Variants in DNM3 observed in about 807,000 individuals in gnomAD.
DNM3 encodes dynamin 3.
Under a neutral mutation model 101.6 loss-of-function variants are expected in DNM3, and 47 were observed. The ratio of observed to expected loss-of-function variants is 0.46; its 90% confidence interval spans 0.37 to 0.59. The LOEUF (loss-of-function observed/expected upper bound fraction) is 0.59. Ranked by LOEUF, DNM3 falls within the 20% of genes least tolerant of loss-of-function variation. The pLI, the probability that DNM3 is intolerant of heterozygous loss-of-function variation, is 0.00. For missense variants in DNM3, 849 were observed against 1,085.7 expected (o/e 0.78, Z 3.06); for synonymous variants, 385 against 387.9 (o/e 0.99, Z 0.09).
chr1:172,083,019 C>T (rs985373359), intron 12 of DNM3, among the ~76,000 whole-genome samples: 5 of 152,240 alleles, frequency 3.3e-5, no homozygotes, highest in Non-Finnish European at 4.4e-5. Context: ...GTGCCCTAGT[C>T]TAGTTGTCTT....
chr1:172,243,726 T>G (rs995496812), intron 14 of DNM3, among the ~76,000 whole-genome samples: 1 of 152,200 alleles, frequency 6.6e-6, no homozygotes, highest in Non-Finnish European at 1.5e-5. Context: ...GTGCTGTTGA[T>G]GAGCAACCTG....
chr1:172,110,388 A>T (rs375764839), intron 13 of DNM3, among the ~76,000 whole-genome samples: 3 of 152,168 alleles, frequency 2.0e-5, no homozygotes. Flanking sequence ...CATCTCCCCA[A>T]TTTGACTATA....
At chr1:172,027,206 A>G (rs2048267641) in intron 4 of DNM3, among the ~76,000 whole-genome samples, 1 of 152,174 alleles carries the variant, frequency 6.6e-6, no homozygotes, top group African/African-American at 2.4e-5. Flanking sequence ...CAAAATAGCC[A>G]GCTAGCATCA....
intron 15 of DNM3, among the ~76,000 whole-genome samples, chr1:172,260,322 A>G (rs1037393649): frequency 2.6e-5 from 4 of 151,898 alleles, no homozygotes; most frequent in Non-Finnish European, 5.9e-5. Context: ...TTCAAATTGT[A>G]TTTATTTGGG....
intron 1 of DNM3, among the ~76,000 whole-genome samples, chr1:171,866,247 C>T (rs1441213020): frequency 6.6e-6 from 1 of 150,566 alleles, no homozygotes; most frequent in Non-Finnish European, 1.5e-5. Context: ...CTACTCTAAT[C>T]GCTCCCTTTC....
At chr1:172,152,716 A>G (rs1247454234) in intron 14 of DNM3, among the ~76,000 whole-genome samples, 1 of 152,140 alleles carries the variant, frequency 6.6e-6, no homozygotes, top group Non-Finnish European at 1.5e-5. Flanking sequence ...TTCCCCACTT[A>G]AAGCTACCAT....
downstream of DNM3, among the ~76,000 whole-genome samples, chr1:172,416,967 T>C (rs368718444): frequency 2.6e-5 from 4 of 152,276 alleles, no homozygotes. Context: ...GGAAAATTGA[T>C]TTTGGACTTT....
Position 172,411,819 on chromosome 1 carries a change from T to G in DNM3, c.*3978T>G. The G allele has an allele frequency of 1.0e-6, 1 of 985,730 alleles. No individual in the cohort carries two copies. The highest frequency in any genetic ancestry group is 1.2e-6 in the Non-Finnish European group (1 of 829,830). 61.1% of individuals were successfully genotyped at this position (985,730 alleles called of 1,614,324 possible). On this transcript the variant is annotated 3_prime_UTR_variant, in exon 21 of 21. Transcript: ENST00000627582. The stretch of plus-strand genomic sequence containing the variant: ...TTTTGTATCATTTCAATTAGAAGAC[T>G]ACTAGCTGTGAGCTCAGAGTTTAAT...
At position 172,253,694 on chromosome 1, in the gene DNM3, A is replaced by T; in HGVS notation, c.1769+12A>T. The T allele has an allele frequency of 6.6e-7, 1 of 1,520,412 alleles. No homozygotes were observed. The highest frequency in any genetic ancestry group is 1.4e-5 in the African/African-American group (1 of 72,272). 94.2% of individuals were successfully genotyped at this position (1,520,412 alleles called of 1,614,324 possible). The stretch of plus-strand genomic sequence containing the variant: ...AATACAGAGCAAAGGTAAGAAATTG[A>T]AACAGTTCCTGTCTTCAGATTTTTT... On this transcript the variant is annotated intron_variant, in intron 15 of 20. Coordinates refer to ENST00000627582, the MANE Select transcript of DNM3 (RefSeq NM_015569.5).
rs1293960052 is a variant in DNM3 at position 172,195,024 on chromosome 1, G to A, written c.1660-58549G>A. 2.0e-5 allele frequency among the ~76,000 whole-genome samples: 3 copies of A among 152,034 alleles called. No individual in the cohort carries two copies. In the South Asian group the frequency reaches 6.2e-4, roughly 32 times the overall value. ...CCAGTTGTTCCTTTCCATGTTTAGT[G>A]CTTCCTTCAGGAGGTCTGGTAAGGC... On this transcript the variant is annotated intron_variant, in intron 14 of 20. Coordinates refer to ENST00000627582, the MANE Select transcript of DNM3 (RefSeq NM_015569.5).
At chr1:172,035,751 G>A (rs1246811634) in intron 6 of DNM3, among the ~76,000 whole-genome samples, 1 of 152,130 alleles carries the variant, frequency 6.6e-6, no homozygotes, top group Non-Finnish European at 1.5e-5. Context: ...TGACGTTGCT[G>A]TCGGGAATGC....
chr1:171,999,800 T>G (rs10910881), intron 4 of DNM3, among the ~76,000 whole-genome samples: 37 of 151,998 alleles, frequency 2.4e-4, no homozygotes, highest in Admixed American at 2.1e-3. Flanking sequence ...AGAGACAAGA[T>G]AGAAGGCCAT....
At chr1:171,916,143 A>G (rs533041487) in intron 1 of DNM3, among the ~76,000 whole-genome samples, 5 of 152,202 alleles carry the variant, frequency 3.3e-5, no homozygotes, top group Non-Finnish European at 4.4e-5. Context: ...TTTACAATGT[A>G]GAGAAAAATG....
chr1:172,137,928 G>A (rs1420769597), intron 14 of DNM3: 2 of 152,080 alleles, frequency 1.3e-5, no homozygotes, highest in Non-Finnish European at 2.9e-5. Flanking sequence ...TACATTTCAA[G>A]TGCATTAACC....
intron 15 of DNM3, among the ~76,000 whole-genome samples, chr1:172,307,801 C>A (rs2064901515): frequency 6.6e-6 from 1 of 152,054 alleles, no homozygotes; most frequent in Admixed American, 6.6e-5. Flanking sequence ...CGTGTTCTCA[C>A]TCATAGGTGG....
chr1:171,997,183 T>C (rs1482433382), intron 4 of DNM3, among the ~76,000 whole-genome samples: 1 of 152,166 alleles, frequency 6.6e-6, no homozygotes, highest in Non-Finnish European at 1.5e-5. Flanking sequence ...TTTAAAGCAA[T>C]CAGTTATATT....
At chr1:172,377,364 A>G (rs2068654897) in intron 17 of DNM3, among the ~76,000 whole-genome samples, 1 of 151,800 alleles carries the variant, frequency 6.6e-6, no homozygotes. Context: ...AAGTGGTAGT[A>G]GGTTTATGCT....
intron 9 of DNM3, among the ~76,000 whole-genome samples, chr1:172,047,701 T>A (rs1219608880): frequency 1.3e-5 from 2 of 152,124 alleles, no homozygotes; most frequent in Non-Finnish European, 2.9e-5. Context: ...AAGCAAATGA[T>A]AAGAAGGGGC....
At chr1:172,190,630 C>T (rs1016601743) in intron 14 of DNM3, among the ~76,000 whole-genome samples, 2 of 152,158 alleles carry the variant, frequency 1.3e-5, no homozygotes, top group Non-Finnish European at 2.9e-5. Flanking sequence ...ACAGTCCCAC[C>T]AACAGTATAA....
Sources: allele counts gnomAD v4.1 joint callset (sites outside exome capture counted in the v4.1 genomes callset), GRCh38; gene constraint gnomAD v4.1.1; transcripts MANE v1.5; gene names NCBI Gene and HGNC (gene_info 2026-07-23, HGNC 2026-07-21).